ATRIP: variants seen among roughly 807,000 people sequenced by gnomAD.
The protein encoded by ATRIP is ATR interacting protein.
A neutral mutation model predicts 78.1 loss-of-function variants in ATRIP; 44 were observed. The ratio of observed to expected loss-of-function variants is 0.56; its 90% CI spans 0.44 to 0.72. The LOEUF is 0.72. Among genes scored for constraint, ATRIP ranks in the 30% least tolerant of loss-of-function variants. ATRIP has a pLI of 0.00. For missense variants in ATRIP, 927 were observed against 980.2 expected, an observed-to-expected ratio of 0.95 and a Z score of 0.72; for synonymous variants, 388 against 408.9, an observed-to-expected ratio of 0.95 and a Z score of 0.62.
rs979808671 is a variant in ATRIP, at chr3:48,467,470, A to C, written c.*1916A>C. ...CTTGGAGAGAGCAGGGGTACCAAGG[A>C]TCTTCCTCCAGTGAAGGACCCTGGA... On this transcript the variant is annotated 3_prime_UTR_variant, in exon 13 of 13. Coordinates refer to ENST00000320211, the MANE Select transcript of ATRIP (RefSeq NM_130384.3). The C allele has an allele frequency of 6.2e-7, 1 of 1,614,124 alleles. No homozygotes were observed. The highest frequency in any genetic ancestry group is 8.5e-7 in the Non-Finnish European group (1 of 1,180,018).
Position 48,467,048 on chromosome 3 carries a change from C to G in ATRIP, c.*1494C>G, listed in dbSNP as rs749667732. 12 of 1,613,876 alleles carry G rather than the reference C, an allele frequency of 7.4e-6. No individual in the cohort carries two copies. In the South Asian group the frequency reaches 1.1e-4, roughly 15 times the overall value. On this transcript the variant is annotated 3_prime_UTR_variant, in exon 13 of 13. Transcript: ENST00000320211. ...CACACAATGGTGACCGCTACGACTT[C>G]CCCCTGCTCCAAGCAGAGCTGGCTA...
intron 1 of ATRIP, among the ~76,000 whole-genome samples, chr3:48,449,252 A>G (rs1034863980): frequency 1.3e-5 from 2 of 151,880 alleles, no homozygotes; most frequent in African/African-American, 4.8e-5. Flanking sequence ...CGTCTCTACT[A>G]AAAATATAAA....
In ATRIP at chr3:48,467,448, G is replaced by A. The variant is rs1261816451; in HGVS notation, c.*1894G>A. ...AACCAGGAACACTAGTCCCAGCCTT[G>A]GAGAGAGCAGGGGTACCAAGGATCT... On this transcript the variant is annotated 3_prime_UTR_variant, in exon 13 of 13. Transcript: ENST00000320211. The A allele has an allele frequency of 6.2e-7, 1 of 1,614,056 alleles. No individual in the cohort carries two copies. The highest frequency in any genetic ancestry group is 1.3e-5 in the African/African-American group (1 of 74,916).
In ATRIP at chr3:48,446,956, C is replaced by T. The variant is rs368960700; in HGVS notation, c.111C>T (p.Phe37=). 2,080 of 1,537,716 alleles carry T rather than the reference C, an allele frequency of 1.4e-3. 24 individuals are homozygous for T. In the African/African-American group the frequency reaches 0.025, roughly 18 times the overall value. Residue 37 remains phenylalanine, a synonymous_variant, in exon 1 of 13, where the codon TTC becomes TTT. Coordinates refer to ENST00000320211, the MANE Select transcript of ATRIP (RefSeq NM_130384.3). The part of the protein sequence containing the change: ...GHPPSKRARG[F]SAAAAPDPDD... ...CCCCGAGCAAGCGGGCCCGGGGCTT[C>T]TCCGCAGCCGCTGCCCCGGACCCTG...
Position 48,451,167 on chromosome 3 carries a change from C to T in ATRIP, c.382-562C>T, listed in dbSNP as rs557991520. Among the ~76,000 whole-genome samples, 75 of 149,810 alleles carry T rather than the reference C, an allele frequency of 5.0e-4. 1 individual carries two copies. Among genetic ancestry groups the T allele is most frequent in the Non-Finnish European group, 6.2e-4 (42 of 67,676 alleles). On this transcript the variant is annotated intron_variant, in intron 2 of 12. Transcript: ENST00000320211. Reference sequence around the variant, plus strand: ...TCGTGCCATTGCACTCCAGCCTAGGCGACAATAGCAAGACTCCGTCTCAAA... The same window carrying T: ...TCGTGCCATTGCACTCCAGCCTAGGTGACAATAGCAAGACTCCGTCTCAAA...
intron 2 of ATRIP, chr3:48,450,508 G>A (rs1404076798): frequency 7.7e-7 from 1 of 1,292,390 alleles, no homozygotes; most frequent in Non-Finnish European, 1.0e-6. Context: ...CAAGAAAGCA[G>A]ACACTTCATA....
chr3:48,457,775 C>T (rs1209777487), intron 5 of ATRIP, among the ~76,000 whole-genome samples: 3 of 152,216 alleles, frequency 2.0e-5, no homozygotes, highest in Non-Finnish European at 4.4e-5. Flanking sequence ...ACAGCATCCC[C>T]TCTGCCACAT....
chr3:48,463,258 C>T (rs532362238), intron 8 of ATRIP, among the ~76,000 whole-genome samples: 1 of 152,346 alleles, frequency 6.6e-6, no homozygotes, highest in Admixed American at 6.5e-5. Flanking sequence ...CATTCTCCCA[C>T]TGGCAGCAGA....
intron 12 of ATRIP, 75 bp downstream of exon 12, chr3:48,465,158 G>C: frequency 6.5e-7 from 1 of 1,548,256 alleles, no homozygotes; most frequent in Non-Finnish European, 8.8e-7. Context: ...CAGATTCCTG[G>C]GTGTCCCCTC....
At chr3:48,463,976 A>G in intron 9 of ATRIP, 65 bp from the exon 10 acceptor site, 1 of 1,602,924 alleles carries the variant, frequency 6.2e-7, no homozygotes, top group Non-Finnish European at 8.5e-7. Flanking sequence ...GGGCTTCTGC[A>G]GTATGTAGCC....
At chr3:48,458,391 C>T (rs1305418358) in intron 5 of ATRIP, among the ~76,000 whole-genome samples, 2 of 151,332 alleles carry the variant, frequency 1.3e-5, no homozygotes, top group South Asian at 2.1e-4. Context: ...GGCGTGATCT[C>T]GGCTCACTGT....
chr3:48,461,795 C>T (rs1451773197), intron 8 of ATRIP, among the ~76,000 whole-genome samples: 1 of 152,144 alleles, frequency 6.6e-6, no homozygotes, highest in Non-Finnish European at 1.5e-5. Flanking sequence ...ACCTCCACTT[C>T]CCAGGTTCAA....
chr3:48,467,564 A>G lies in ATRIP; in HGVS notation c.*2010A>G, dbSNP rs1451722989. ...CCATCCTGACCTTGGCAGTAGCCAC[A>G]CTGTATGGACTATCCCTGGCCACAC... On this transcript the variant is annotated 3_prime_UTR_variant, in exon 13 of 13. Transcript: ENST00000320211. The G allele has an allele frequency of 5.0e-6, 8 of 1,613,510 alleles. No homozygotes were observed. In the South Asian group the frequency reaches 8.8e-5, roughly 18 times the overall value.
Position 48,466,800 on chromosome 3 carries a change from A to G in ATRIP, c.*1246A>G, listed in dbSNP as rs1427260162. On this transcript the variant is annotated 3_prime_UTR_variant, in exon 13 of 13. Transcript: ENST00000320211. Reference sequence around the variant, plus strand: ...CAGATGTGCCCTGGAGAGCCCCCCCACCTCTCAGGGGCCACCTCCCACAGT... The same window carrying G: ...CAGATGTGCCCTGGAGAGCCCCCCCGCCTCTCAGGGGCCACCTCCCACAGT... The G allele has an allele frequency of 1.2e-6, 2 of 1,612,692 alleles. No homozygotes were observed. Among genetic ancestry groups the G allele is most frequent in the Non-Finnish European group, 8.5e-7 (1 of 1,179,740 alleles).
chr3:48,467,578 C>T lies in ATRIP; in HGVS notation c.*2024C>T. The T allele has an allele frequency of 1.2e-6, 2 of 1,612,886 alleles. No individual in the cohort carries two copies. Among genetic ancestry groups the T allele is most frequent in the South Asian group, 1.1e-5 (1 of 91,074 alleles). Reference sequence around the variant, plus strand: ...GCAGTAGCCACACTGTATGGACTATCCCTGGCCACACCTGGGGAGTAGGCC... The same window carrying T: ...GCAGTAGCCACACTGTATGGACTATTCCTGGCCACACCTGGGGAGTAGGCC... On this transcript the variant is annotated 3_prime_UTR_variant, in exon 13 of 13. Coordinates refer to ENST00000320211, the MANE Select transcript of ATRIP (RefSeq NM_130384.3).
At chr3:48,453,103 C>T (rs2039874609) in intron 3 of ATRIP, among the ~76,000 whole-genome samples, 1 of 152,054 alleles carries the variant, frequency 6.6e-6, no homozygotes, top group South Asian at 2.1e-4. Context: ...AAGCCGTTCT[C>T]AAGCTCCTGG....
rs367751914 is a variant in ATRIP at position 48,460,619 on chromosome 3, T to G, written c.1565T>G (p.Met522Arg). The G allele has an allele frequency of 1.2e-6, 2 of 1,614,206 alleles. No homozygotes were observed. The highest frequency in any genetic ancestry group is 1.7e-5 in the Admixed American group (1 of 60,026). ...SLVHRLSDGDMTSALRGVADD... is the reference protein window; with the variant it reads ...SLVHRLSDGDRTSALRGVADD... Reference sequence around the variant, plus strand: ...GTTCACAGGCTTAGTGATGGAGATATGACCTCAGCCCTAAGGGGGGTTGCT... The same window carrying G: ...GTTCACAGGCTTAGTGATGGAGATAGGACCTCAGCCCTAAGGGGGGTTGCT... Residue 522 changes from methionine to arginine, a missense_variant, in exon 8 of 13, where the codon ATG (methionine) becomes AGG (arginine). Physicochemically the swap from Met to Arg is moderately conservative, Grantham distance 91. Coordinates refer to ENST00000320211, the MANE Select transcript of ATRIP (RefSeq NM_130384.3).
Position 48,465,077 on chromosome 3 carries a change from T to G in ATRIP, c.2302T>G (p.Cys768Gly), listed in dbSNP as rs145758060. 2.3e-4 allele frequency: 376 copies of G among 1,607,254 alleles called. 1 individual carries two copies. The highest frequency in any genetic ancestry group is 3.1e-4 in the Non-Finnish European group (369 of 1,174,794). ...CCGAGGGCTTCCTGATGTGACGGAC[T>G]GTGAAGGTAAGCCTGCCAGAGGCCA... Reference protein sequence around the residue: ...LIRGLPDVTDCEEAALDDLCA... With the variant: ...LIRGLPDVTDGEEAALDDLCA... Residue 768 changes from cysteine (C) to glycine (G), a missense_variant, in exon 12 of 13, where the codon TGT (cysteine) becomes GGT (glycine). By Grantham distance (159) the Cys-to-Gly change is radical (BLOSUM62 -3). Transcript: ENST00000320211.
chr3:48,454,272 C>A, intron 3 of ATRIP, 28 bp from the exon 4 acceptor site: 1 of 1,416,154 alleles, frequency 7.1e-7, no homozygotes, highest in Non-Finnish European at 1.0e-6. Flanking sequence ...GATGGGACCA[C>A]TACAAGCATG....
Sources: allele counts gnomAD v4.1 joint callset (sites outside exome capture counted in the v4.1 genomes callset), GRCh38; gene constraint gnomAD v4.1.1; transcripts MANE v1.5; gene names NCBI Gene and HGNC (gene_info 2026-07-23, HGNC 2026-07-21).